Variants in PTPRF observed in about 807,000 individuals in gnomAD.
The protein encoded by PTPRF is receptor-type tyrosine-protein phosphatase F.
In PTPRF, 59 loss-of-function variants were observed where a neutral mutation model predicts 201.8. That is an observed-to-expected ratio of 0.29 (90% CI 0.24 to 0.36). The LOEUF (loss-of-function observed/expected upper bound fraction) is 0.36, where lower values mean the gene tolerates loss of function less well. PTPRF is among the 10% of genes least tolerant of loss of function. The pLI is 1.00. For missense variants in PTPRF, 2,132 were observed against 2,690.5 expected (o/e 0.79, Z 4.59); for synonymous variants, 1,088 against 1,089.7 (o/e 1.00, Z 0.03).
chr1:43,621,022 G>T (rs774128736), intron 32 of PTPRF, 30 bp downstream of exon 32: 5 of 1,610,302 alleles, frequency 3.1e-6, no homozygotes, highest in Non-Finnish European at 3.4e-6. Flanking sequence ...GGGCTGGGGT[G>T]GGTGGGCCTG....
chr1:43,546,242 T>C lies in PTPRF; in HGVS notation c.91+1076T>C, dbSNP rs536149609. 2.0e-5 allele frequency among the ~76,000 whole-genome samples: 3 copies of C among 152,248 alleles called. No homozygotes were observed. The East Asian group carries it at 5.8e-4, about 29-fold the overall frequency. On this transcript the variant is annotated intron_variant, in intron 3 of 33. Coordinates refer to ENST00000359947, the MANE Select transcript of PTPRF (RefSeq NM_002840.5). This position sits in a 1 kb window ranked among gnomAD's most constrained non-coding sequence, Gnocchi z 4.2. Reference sequence around the variant, plus strand: ...CTGGAGTGGGGTGGGACTGGTGTGGTCCCGCCCTTTGTCCTCAAGTGCTGG... The same window carrying C: ...CTGGAGTGGGGTGGGACTGGTGTGGCCCCGCCCTTTGTCCTCAAGTGCTGG...
At chr1:43,578,788 C>G (rs1163743560) in intron 6 of PTPRF, 22 bp from the exon 7 acceptor site, 2 of 1,591,730 alleles carry the variant, frequency 1.3e-6, no homozygotes, top group Non-Finnish European at 1.7e-6. Flanking sequence ...CGTGCCTGAC[C>G]TCTCGCTTCG....
At chr1:43,531,405 C>G (rs1382759050) in intron 1 of PTPRF, among the ~76,000 whole-genome samples, 2 of 142,920 alleles carry the variant, frequency 1.4e-5, no homozygotes, top group East Asian at 2.2e-4. Flanking sequence ...GCCCGCCCCC[C>G]CCACCCAGCG....
At chr1:43,620,624 C>G in intron 31 of PTPRF, 45 bp downstream of exon 31, 1 of 1,599,552 alleles carries the variant, frequency 6.3e-7, no homozygotes, top group Non-Finnish European at 8.5e-7. Context: ...CCTGTCCACA[C>G]GCTGGGTGGA....
chr1:43,531,417 A>G (rs1643489358), intron 1 of PTPRF, among the ~76,000 whole-genome samples: 3 of 52,672 alleles, frequency 5.7e-5, no homozygotes, highest in African/African-American at 2.3e-4. Context: ...CACCCAGCGC[A>G]AAGTTTCCCG....
intron 1 of PTPRF, 58 bp from the exon 2 acceptor site, chr1:43,538,140 T>C: frequency 2.5e-6 from 1 of 398,590 alleles, no homozygotes; most frequent in Non-Finnish European, 4.4e-6. Context: ...TCTGTGTCAA[T>C]ACATATGCTG....
Position 43,619,551 on chromosome 1 carries a change from C to G in PTPRF, c.4910C>G (p.Thr1637Ser), listed in dbSNP as rs1389621772. The change falls in exon 28 of 34, where the codon ACC becomes AGC. Residue 1637 changes from threonine to serine, a missense_variant. Coordinates refer to ENST00000359947, the MANE Select transcript of PTPRF (RefSeq NM_002840.5). ...CAAGTGCCTCCAGGGGAGAGTGTGA[C>G]CGCCATGGAGCTCGAGTTCAAGGTG... Reference protein sequence around the residue: ...LGQVPPGESVTAMELEFKLLA... With the variant: ...LGQVPPGESVSAMELEFKLLA... 5.0e-6 allele frequency: 8 copies of G among 1,612,800 alleles called. No homozygotes were observed. Among genetic ancestry groups the G allele is most frequent in the Non-Finnish European group, 6.8e-6 (8 of 1,179,070 alleles).
intron 9 of PTPRF, 32 bp downstream of exon 9, chr1:43,591,585 C>T (rs764023765): frequency 7.2e-6 from 11 of 1,527,394 alleles, no homozygotes; most frequent in East Asian, 2.4e-5. Context: ...GGGCAGCCAA[C>T]AGCAGAGAAG....
upstream of PTPRF, among the ~76,000 whole-genome samples, chr1:43,527,234 G>T (rs950561523): frequency 6.6e-6 from 1 of 152,126 alleles, no homozygotes; most frequent in Non-Finnish European, 1.5e-5. Context: ...GGTGCCACTC[G>T]GCCTTCACAG....
chr1:43,585,098 G>A (rs1648786432), intron 7 of PTPRF, among the ~76,000 whole-genome samples: 2 of 152,232 alleles, frequency 1.3e-5, no homozygotes, highest in South Asian at 4.1e-4. Context: ...TGGAGCCTAA[G>A]ATTAGACCCT....
At chr1:43,620,624 C>T (rs776809402) in intron 31 of PTPRF, 45 bp downstream of exon 31, 24 of 1,599,434 alleles carry the variant, frequency 1.5e-5, no homozygotes, top group Admixed American at 5.1e-5. Context: ...CCTGTCCACA[C>T]GCTGGGTGGA....
chr1:43,528,731 A>G (rs942085034), upstream of PTPRF: 5 of 152,322 alleles, frequency 3.3e-5, no homozygotes, highest in African/African-American at 1.2e-4. Context: ...TGAAGATGCC[A>G]CTGCCTGAGA....
chr1:43,613,667 C>G lies in PTPRF; in HGVS notation c.4023C>G (p.Ile1341Met). The change falls in exon 23 of 34, where the codon ATC becomes ATG. Residue 1341 changes from isoleucine (I) to methionine (M), a missense_variant. Around this residue, in one of 6 missense-constraint regions of PTPRF, gnomAD observed 818 missense variants for 915.3 expected, o/e 0.89. Coordinates refer to ENST00000359947, the MANE Select transcript of PTPRF (RefSeq NM_002840.5). The part of the protein sequence containing the change: ...PIPITDLADN[I>M]ERLKANDGLK... ...CCATCACCGACCTGGCGGACAACAT[C>G]GAGCGCCTCAAAGCCAACGATGGCC... 4 of 1,614,194 alleles carry G rather than the reference C, an allele frequency of 2.5e-6. No homozygotes were observed. Among genetic ancestry groups the G allele is most frequent in the Non-Finnish European group, 3.4e-6 (4 of 1,180,006 alleles).
At chr1:43,566,360 A>G (rs1191500404) in intron 5 of PTPRF, among the ~76,000 whole-genome samples, 2 of 152,246 alleles carry the variant, frequency 1.3e-5, no homozygotes, top group Non-Finnish European at 2.9e-5. Context: ...ATTTTAACAT[A>G]GTACCTGGAA....
In PTPRF at chr1:43,588,870, C is replaced by G; in HGVS notation, c.819C>G (p.Thr273=). The change falls in exon 8 of 34, where the codon ACC becomes ACG. Residue 273 remains threonine (T), a synonymous_variant. Transcript: ENST00000359947. This position sits in a 1 kb window ranked among gnomAD's most constrained non-coding sequence, Gnocchi z 5.3. Reference sequence around the variant, plus strand: ...GGATGATGGGGGCCGAGGAGCTCACCAAGGAGGATGAGATGCCAGTTGGCC... The same window carrying G: ...GGATGATGGGGGCCGAGGAGCTCACGAAGGAGGATGAGATGCCAGTTGGCC... ...VKWMMGAEEL[T]KEDEMPVGRN... is the part of the protein sequence containing the mutation. 1 of 1,614,000 alleles carries G rather than the reference C, an allele frequency of 6.2e-7. No homozygotes were observed. The highest frequency in any genetic ancestry group is 8.5e-7 in the Non-Finnish European group (1 of 1,179,938).
intron 8 of PTPRF, 43 bp from the exon 9 acceptor site, chr1:43,590,929 A>G: frequency 6.5e-7 from 1 of 1,541,138 alleles, no homozygotes; most frequent in Non-Finnish European, 8.8e-7. Context: ...GTTCCTAAGG[A>G]TCTTGACCTC....
At chr1:43,613,380 C>T (rs1656960382) in intron 22 of PTPRF, 2 of 492,498 alleles carry the variant, frequency 4.1e-6, no homozygotes, top group Admixed American at 6.5e-5. Flanking sequence ...CCTAGTGCCC[C>T]CACTCAGCAC....
In PTPRF at chr1:43,546,977, C is replaced by T. The variant is rs542520483; in HGVS notation, c.91+1811C>T. ...GCTTTTGCACGCAACAGCCTCCTGACGGTTTCCCTGCCTCCAGTCTTTTCC... is the reference window on the plus strand; with the variant it reads ...GCTTTTGCACGCAACAGCCTCCTGATGGTTTCCCTGCCTCCAGTCTTTTCC... On this transcript the variant is annotated intron_variant, in intron 3 of 33. Coordinates refer to ENST00000359947, the MANE Select transcript of PTPRF (RefSeq NM_002840.5). This position sits in a 1 kb window ranked among gnomAD's most constrained non-coding sequence, Gnocchi z 4.2. Among the ~76,000 whole-genome samples the T allele has an allele frequency of 1.3e-5, 2 of 152,330 alleles. No individual in the cohort carries two copies. The highest frequency in any genetic ancestry group is 2.1e-4 in the South Asian group (1 of 4,826).
intron 7 of PTPRF, among the ~76,000 whole-genome samples, chr1:43,586,392 C>G (rs907620181): frequency 6.6e-5 from 10 of 152,378 alleles, no homozygotes; most frequent in Admixed American, 2.6e-4. Flanking sequence ...AGGGCATGCA[C>G]CGCTGGGCTG....
Sources: allele counts gnomAD v4.1 joint callset (sites outside exome capture counted in the v4.1 genomes callset), GRCh38; gene constraint gnomAD v4.1.1; regional missense constraint gnomAD v4.1.1; non-coding constraint Gnocchi (gnomAD v3.1); transcripts MANE v1.5; gene names NCBI Gene and HGNC (gene_info 2026-07-23, HGNC 2026-07-21).